RNF220: variants seen among roughly 807,000 people sequenced by gnomAD.
RNF220 encodes the protein ring finger protein 220.
In RNF220, 7 loss-of-function variants were observed where a neutral mutation model predicts 67.1. The observed-to-expected ratio is 0.10, with a 90% confidence interval of 0.06 to 0.20. RNF220 has a LOEUF of 0.20. Among genes scored for constraint, RNF220 ranks in the 10% least tolerant of loss-of-function variants. The pLI is 1.00. For synonymous variants in RNF220, 270 were observed against 283.2 expected, an observed-to-expected ratio of 0.95 and a Z score of 0.47; for missense variants, 565 against 740.3, an observed-to-expected ratio of 0.76 and a Z score of 2.75.
rs547648988 is a variant in RNF220 at position 44,417,539 on chromosome 1, G to A, written c.625+4817G>A. ...TCTTCCCCTGCCCTCGCTCCACGCC[G>A]CGCCGCTCTGTGCGGCGGCTGCCTC... On this transcript the variant is annotated intron_variant, in intron 2 of 14. Transcript: ENST00000361799. The surrounding 1 kb of genome is among the most constrained non-coding windows in gnomAD (Gnocchi z 4.0). 4.6e-5 allele frequency among the ~76,000 whole-genome samples: 7 copies of A among 152,182 alleles called. No individual in the cohort carries two copies. In the East Asian group the frequency reaches 1.4e-3, roughly 30 times the overall value.
At position 44,549,410 on chromosome 1, in the gene RNF220, T is replaced by A. The variant is rs141973250; in HGVS notation, c.626-64755T>A. Among the ~76,000 whole-genome samples the A allele has an allele frequency of 1.8e-3, 277 of 152,290 alleles. 2 individuals carry two copies. Among genetic ancestry groups the A allele is most frequent in the African/African-American group, 6.4e-3 (265 of 41,558 alleles). On this transcript the variant is annotated intron_variant, in intron 2 of 14. Coordinates refer to ENST00000361799, the MANE Select transcript of RNF220 (RefSeq NM_018150.4). ...TATCACCAAGGGGAATTTTTCTCTC[T>A]CCACCTTTTCTGTGGTTCTCAAAAA...
chr1:44,552,620 G>T (rs1416487379), intron 2 of RNF220, among the ~76,000 whole-genome samples: 10 of 124,550 alleles, frequency 8.0e-5, no homozygotes, highest in African/African-American at 3.0e-4. Flanking sequence ...ACCCAGGCTG[G>T]AGTGCAGTTG....
intron 2 of RNF220, among the ~76,000 whole-genome samples, chr1:44,526,200 C>G (rs555733118): frequency 6.6e-6 from 1 of 152,304 alleles, no homozygotes; most frequent in Admixed American, 6.5e-5. Flanking sequence ...AAGCGCATAA[C>G]CATTTCAACT....
chr1:44,552,233 C>T (rs898095887), intron 2 of RNF220, among the ~76,000 whole-genome samples: 39 of 152,276 alleles, frequency 2.6e-4, no homozygotes, highest in African/African-American at 9.4e-4. Flanking sequence ...GAAAATGAAA[C>T]TCCTGCTGGG....
intron 2 of RNF220, among the ~76,000 whole-genome samples, chr1:44,457,398 C>G (rs184653000): frequency 6.6e-6 from 1 of 152,112 alleles, no homozygotes; most frequent in Admixed American, 6.5e-5. Flanking sequence ...AGTAAGATTT[C>G]TCCAATTAGA....
At chr1:44,506,816 G>A in intron 2 of RNF220, among the ~76,000 whole-genome samples, 1 of 152,262 alleles carries the variant, frequency 6.6e-6, no homozygotes, top group African/African-American at 2.4e-5. Flanking sequence ...GTTCTGCCTC[G>A]GTTTCATCTG....
At chr1:44,499,764 A>G (rs981829233) in intron 2 of RNF220, among the ~76,000 whole-genome samples, 33 of 152,194 alleles carry the variant, frequency 2.2e-4, no homozygotes, top group Admixed American at 1.4e-3. Context: ...GACATCTCCA[A>G]TTGGATGTCT....
chr1:44,650,239 TG>T lies in RNF220; in HGVS notation c.1629+286del. On this transcript the variant is annotated intron_variant, in intron 14 of 14. Transcript: ENST00000361799. The surrounding 1 kb of genome is among the most constrained non-coding windows in gnomAD (Gnocchi z 4.3). ...CTGCATCACACAGACTGGTGAGGCC[TG>T]GGGTCAGGAGGAGGCTGGCTGTAGG... 1.8e-6 allele frequency: 1 copy of T among 548,134 alleles called. No homozygotes were observed. Among genetic ancestry groups the T allele is most frequent in the Non-Finnish European group, 3.3e-6 (1 of 307,162 alleles). 34.0% of individuals were successfully genotyped at this position (548,134 alleles called of 1,614,324 possible). A position where few individuals can be genotyped will look rare whatever the true frequency, so the allele number is the denominator to read the frequency against.
intron 2 of RNF220, among the ~76,000 whole-genome samples, chr1:44,473,281 G>A (rs1008540279): frequency 2.0e-5 from 3 of 152,134 alleles, no homozygotes; most frequent in Admixed American, 2.0e-4. Flanking sequence ...AACGGTTTCT[G>A]TAAAAGCATC....
At chr1:44,429,269 A>G (rs183066959) in intron 2 of RNF220, among the ~76,000 whole-genome samples, 4 of 152,354 alleles carry the variant, frequency 2.6e-5, no homozygotes, top group East Asian at 1.9e-4. Flanking sequence ...AAAATAACAG[A>G]TAAGATTTTA....
At chr1:44,550,966 C>G (rs940514012) in intron 2 of RNF220, among the ~76,000 whole-genome samples, 1 of 152,130 alleles carries the variant, frequency 6.6e-6, no homozygotes, top group Non-Finnish European at 1.5e-5. Context: ...CTCAGGCATT[C>G]AGGGGATTTG....
intron 2 of RNF220, among the ~76,000 whole-genome samples, chr1:44,603,351 A>G (rs1573011147): frequency 6.6e-6 from 1 of 152,220 alleles, no homozygotes; most frequent in African/African-American, 2.4e-5. Context: ...ACTGCTACCC[A>G]GGACCCACTG....
intron 2 of RNF220, among the ~76,000 whole-genome samples, chr1:44,571,284 G>C (rs1392255818): frequency 6.6e-6 from 1 of 152,088 alleles, no homozygotes; most frequent in African/African-American, 2.4e-5. Context: ...CAGAGCCTTT[G>C]AACTTATTTC....
intron 2 of RNF220, among the ~76,000 whole-genome samples, chr1:44,548,442 G>C (rs34090807): frequency 2.0e-5 from 3 of 151,780 alleles, no homozygotes; most frequent in Non-Finnish European, 4.4e-5. Context: ...TTCCTTCCAG[G>C]CTCCCCACCT....
At chr1:44,634,968 CTG>C in intron 6 of RNF220, among the ~76,000 whole-genome samples, 1 of 152,300 alleles carries the variant, frequency 6.6e-6, no homozygotes, top group African/African-American at 2.4e-5. Context: ...ACCTTTATGA[CTG>C]GGCCTCAGTC....
intron 2 of RNF220, among the ~76,000 whole-genome samples, chr1:44,480,891 ATAAAG>A (rs1655743253): frequency 6.6e-6 from 1 of 152,188 alleles, no homozygotes; most frequent in African/African-American, 2.4e-5. Context: ...GTCTCAAAAA[ATAAAG>A]TAAAATAAAA....
At chr1:44,407,686 G>A (rs1043760029) in intron 1 of RNF220, among the ~76,000 whole-genome samples, 3 of 152,068 alleles carry the variant, frequency 2.0e-5, no homozygotes, top group Non-Finnish European at 2.9e-5. Flanking sequence ...CGCGGTGCGG[G>A]CCGCAGAACC....
At chr1:44,409,309 A>T (rs1357628567) in intron 1 of RNF220, among the ~76,000 whole-genome samples, 1 of 152,214 alleles carries the variant, frequency 6.6e-6, no homozygotes, top group Non-Finnish European at 1.5e-5. Context: ...CCTGCCAGAC[A>T]ATTTATTTAG....
intron 2 of RNF220, among the ~76,000 whole-genome samples, chr1:44,546,554 A>G (rs927847202): frequency 2.6e-5 from 4 of 152,146 alleles, no homozygotes; most frequent in Non-Finnish European, 5.9e-5. Context: ...GGATTTATTG[A>G]ATTTTCCATG....
Sources: allele counts gnomAD v4.1 joint callset (sites outside exome capture counted in the v4.1 genomes callset), GRCh38; gene constraint gnomAD v4.1.1; non-coding constraint Gnocchi (gnomAD v3.1); transcripts MANE v1.5; gene names NCBI Gene and HGNC (gene_info 2026-07-23, HGNC 2026-07-21).